The following AIG1 variants were observed in gnomAD, a reference collection of about 807,000 sequenced individuals.
AIG1 encodes the protein androgen-induced gene 1 protein.
A neutral mutation model predicts 31.4 loss-of-function variants in AIG1; 23 were observed. The ratio of observed to expected loss-of-function variants is 0.73; its 90% CI spans 0.53 to 1.04. The LOEUF (loss-of-function observed/expected upper bound fraction) is 1.04, where lower values mean the gene tolerates loss of function less well. AIG1 is among the 50% of genes least tolerant of loss of function. The pLI is 0.00. For missense variants in AIG1, 274 were observed against 295.0 expected, an observed-to-expected ratio of 0.93 and a Z score of 0.52; for synonymous variants, 100 against 110.5, an observed-to-expected ratio of 0.90 and a Z score of 0.60.
At chr6:143,105,057 A>G (rs1014196705) in intron 1 of AIG1, among the ~76,000 whole-genome samples, 2 of 152,240 alleles carry the variant, frequency 1.3e-5, no homozygotes, top group Non-Finnish European at 2.9e-5. Context: ...GATTCCTCCC[A>G]GCTCATTGCT....
intron 3 of AIG1, chr6:143,187,511 A>AT: frequency 1.3e-6 from 2 of 1,534,712 alleles, no homozygotes; most frequent in Non-Finnish European, 1.7e-6. Flanking sequence ...CACTTACCAC[A>AT]TTTTTTAACC....
At chr6:143,062,906 A>G (rs969800295) in intron 1 of AIG1, among the ~76,000 whole-genome samples, 23 of 152,234 alleles carry the variant, frequency 1.5e-4, no homozygotes, top group Admixed American at 1.5e-3. Flanking sequence ...GCTAAAGAGC[A>G]GTGCTGGGCA....
chr6:143,332,867 C>T (rs936565131), intron 4 of AIG1, among the ~76,000 whole-genome samples: 7 of 152,018 alleles, frequency 4.6e-5, no homozygotes, highest in African/African-American at 9.7e-5. Flanking sequence ...TATGAGACTG[C>T]GGAGATGTGA....
chr6:143,259,316 C>T (rs1436167614), intron 3 of AIG1, among the ~76,000 whole-genome samples: 1 of 152,172 alleles, frequency 6.6e-6, no homozygotes. Flanking sequence ...ATTTTTTAGT[C>T]CTAATTTTGC....
chr6:143,158,208 A>G (rs370433081), intron 2 of AIG1, among the ~76,000 whole-genome samples: 119 of 152,272 alleles, frequency 7.8e-4, no homozygotes, highest in African/African-American at 2.8e-3. Flanking sequence ...TAGTACACCC[A>G]CATCCTGCTC....
intron 3 of AIG1, among the ~76,000 whole-genome samples, chr6:143,263,789 T>C (rs1220173603): frequency 6.6e-6 from 1 of 152,248 alleles, no homozygotes; most frequent in Non-Finnish European, 1.5e-5. Context: ...TATATCTTAC[T>C]TGAAAAACCA....
At chr6:143,162,116 G>A (rs1277692239) in intron 2 of AIG1, among the ~76,000 whole-genome samples, 4 of 152,072 alleles carry the variant, frequency 2.6e-5, no homozygotes, top group Non-Finnish European at 5.9e-5. Context: ...TCAAAAATCA[G>A]TTCATTCTTA....
At chr6:143,158,020 A>AT (rs1240722429) in intron 2 of AIG1, among the ~76,000 whole-genome samples, 2 of 152,138 alleles carry the variant, frequency 1.3e-5, no homozygotes, top group East Asian at 1.9e-4. Flanking sequence ...GGCAGCTTGA[A>AT]TTTCCATCTA....
At chr6:143,074,731 T>C (rs1477329175) in intron 1 of AIG1, among the ~76,000 whole-genome samples, 1 of 152,222 alleles carries the variant, frequency 6.6e-6, no homozygotes, top group Non-Finnish European at 1.5e-5. Flanking sequence ...GGTTATGAGG[T>C]ATTGCTCATT....
chr6:143,228,153 A>C (rs1276154995), intron 3 of AIG1, among the ~76,000 whole-genome samples: 22 of 152,110 alleles, frequency 1.4e-4, no homozygotes, highest in Admixed American at 1.4e-3. Flanking sequence ...AAAGAACCCC[A>C]AAAGCAGCTT....
intron 3 of AIG1, among the ~76,000 whole-genome samples, chr6:143,270,506 G>T (rs545960735): frequency 6.3e-4 from 96 of 152,298 alleles, no homozygotes; most frequent in African/African-American, 2.2e-3. Context: ...CAAAGCCAAA[G>T]ACTACGGAGA....
chr6:143,132,689 T>TA (rs1383101088), intron 1 of AIG1, among the ~76,000 whole-genome samples: 1 of 151,916 alleles, frequency 6.6e-6, no homozygotes, highest in Non-Finnish European at 1.5e-5. Context: ...CCAATACACA[T>TA]ATATTAGACT....
At chr6:143,305,027 G>T (rs1314371885) in intron 4 of AIG1, among the ~76,000 whole-genome samples, 2 of 152,296 alleles carry the variant, frequency 1.3e-5, no homozygotes, top group East Asian at 1.9e-4. Flanking sequence ...GGTGTTTGTA[G>T]TATTCTCTGA....
chr6:143,270,516 A>G (rs2128666743), intron 3 of AIG1, among the ~76,000 whole-genome samples: 1 of 152,328 alleles, frequency 6.6e-6, no homozygotes, highest in South Asian at 2.1e-4. Context: ...GACTACGGAG[A>G]AAAGGTTTTG....
chr6:143,155,079 G>A (rs973605944), intron 2 of AIG1, among the ~76,000 whole-genome samples: 2 of 149,386 alleles, frequency 1.3e-5, no homozygotes, highest in African/African-American at 2.5e-5. Context: ...AGCTGGTCTC[G>A]AACTTCTGGC....
At chr6:143,096,748 C>A (rs757087980) in intron 1 of AIG1, among the ~76,000 whole-genome samples, 1 of 152,120 alleles carries the variant, frequency 6.6e-6, no homozygotes, top group Non-Finnish European at 1.5e-5. Flanking sequence ...TTCTTAATGA[C>A]GCTTCTGTCT....
Position 143,136,219 on chromosome 6 carries a change from G to T in AIG1, c.142-616G>T, listed in dbSNP as rs932954793. On this transcript the variant is annotated intron_variant, in intron 1 of 5. Coordinates refer to ENST00000357847, the MANE Select transcript of AIG1 (RefSeq NM_016108.4). ...CTGAGTAGAAGGTCATTTAGTTCAAGTTTGACAACAGAAACTTGTTTCATA... is the reference window on the plus strand; with the variant it reads ...CTGAGTAGAAGGTCATTTAGTTCAATTTTGACAACAGAAACTTGTTTCATA... 2.0e-5 allele frequency among the ~76,000 whole-genome samples: 3 copies of T among 152,230 alleles called. No individual in the cohort carries two copies. In the East Asian group the frequency reaches 5.8e-4, roughly 29 times the overall value.
At chr6:143,086,486 A>C (rs1248727602) in intron 1 of AIG1, among the ~76,000 whole-genome samples, 1 of 152,038 alleles carries the variant, frequency 6.6e-6, no homozygotes, top group African/African-American at 2.4e-5. Context: ...CAGTTGTTAA[A>C]GTACTGGGTC....
chr6:143,115,995 A>G (rs1373846607), intron 1 of AIG1, among the ~76,000 whole-genome samples: 2 of 152,220 alleles, frequency 1.3e-5, no homozygotes, highest in Admixed American at 1.3e-4. Flanking sequence ...TTTGTGTCAG[A>G]CACTGAATCA....
Sources: gnomAD v4.1 joint callset for allele counts (sites outside exome capture counted in the v4.1 genomes callset) on GRCh38, gnomAD v4.1.1 for gene constraint, MANE v1.5 for transcripts, NCBI Gene and HGNC (gene_info 2026-07-23, HGNC 2026-07-21) for gene names.